ARHGAP10: variants seen among roughly 807,000 people sequenced by gnomAD.
The protein encoded by ARHGAP10 is Rho GTPase activating protein 10, also known as rho GTPase-activating protein 10.
In ARHGAP10, 87 loss-of-function variants were observed where a neutral mutation model predicts 108.6. The observed-to-expected ratio is 0.80, with a 90% CI of 0.67 to 0.96. ARHGAP10 has a LOEUF of 0.96. Ranked by LOEUF, ARHGAP10 falls within the 40% of genes least tolerant of loss-of-function variation. The pLI is 0.00. For missense variants in ARHGAP10, 939 were observed against 954.5 expected (o/e 0.98, Z 0.21); for synonymous variants, 347 against 341.1 (o/e 1.02, Z -0.19).
intron 12 of ARHGAP10, among the ~76,000 whole-genome samples, chr4:147,910,907 C>T (rs990760043): frequency 2.0e-5 from 3 of 152,118 alleles, no homozygotes; most frequent in Non-Finnish European, 4.4e-5. Context: ...CCACAAGCAG[C>T]ACATCCCCTG....
intron 17 of ARHGAP10, among the ~76,000 whole-genome samples, chr4:147,966,392 A>G (rs558384973): frequency 5.3e-5 from 8 of 152,166 alleles, no homozygotes; most frequent in Non-Finnish European, 1.0e-4. Flanking sequence ...TGGTGTCTGT[A>G]GGGATTCTGG....
chr4:147,797,421 G>A (rs1325873325), intron 1 of ARHGAP10, among the ~76,000 whole-genome samples: 1 of 151,750 alleles, frequency 6.6e-6, no homozygotes, highest in Non-Finnish European at 1.5e-5. Context: ...ACTTTGTTTT[G>A]TTTTGTTTTG....
intron 10 of ARHGAP10, among the ~76,000 whole-genome samples, chr4:147,902,103 A>G (rs1736274257): frequency 2.6e-5 from 4 of 152,214 alleles, no homozygotes; most frequent in Non-Finnish European, 5.9e-5. Flanking sequence ...TCTTGGAGCA[A>G]CAGCTTTCAT....
At chr4:147,801,021 G>A (rs1488108415) in intron 1 of ARHGAP10, among the ~76,000 whole-genome samples, 1 of 152,222 alleles carries the variant, frequency 6.6e-6, no homozygotes, top group African/African-American at 2.4e-5. Flanking sequence ...GGCCAGGCTG[G>A]TCTTGAACTC....
At chr4:147,967,641 T>C (rs963566844) in intron 18 of ARHGAP10, among the ~76,000 whole-genome samples, 1 of 152,214 alleles carries the variant, frequency 6.6e-6, no homozygotes, top group African/African-American at 2.4e-5. Context: ...ATTACTGTTA[T>C]TTTCTCCTTG....
chr4:148,059,642 CA>C (rs572510159), intron 20 of ARHGAP10, among the ~76,000 whole-genome samples: 4 of 151,528 alleles, frequency 2.6e-5, no homozygotes, highest in African/African-American at 7.3e-5. Flanking sequence ...CCACAGAGTA[CA>C]AAAAAAATGA....
chr4:148,015,722 C>G (rs1207096545), intron 18 of ARHGAP10, among the ~76,000 whole-genome samples: 1 of 152,198 alleles, frequency 6.6e-6, no homozygotes, highest in Non-Finnish European at 1.5e-5. Flanking sequence ...TGAACCTAGT[C>G]AAACAACCCC....
At chr4:148,006,515 G>A (rs1047948257) in intron 18 of ARHGAP10, among the ~76,000 whole-genome samples, 1 of 152,160 alleles carries the variant, frequency 6.6e-6, no homozygotes, top group African/African-American at 2.4e-5. Context: ...TAATAAAATG[G>A]TGGTGGTCTG....
chr4:147,806,198 C>T (rs191090473), intron 1 of ARHGAP10, among the ~76,000 whole-genome samples: 118 of 152,184 alleles, frequency 7.8e-4, no homozygotes, highest in African/African-American at 2.2e-3. Flanking sequence ...TGTCCAGAGT[C>T]CAGGCGGCTT....
chr4:147,873,882 A>C (rs1313415417), intron 7 of ARHGAP10, among the ~76,000 whole-genome samples: 7 of 150,242 alleles, frequency 4.7e-5, no homozygotes, highest in Non-Finnish European at 8.8e-5. Flanking sequence ...CTTTAAAAAA[A>C]AAAAAAAGGG....
chr4:147,928,001 A>G (rs914336788), intron 13 of ARHGAP10, among the ~76,000 whole-genome samples: 1 of 152,218 alleles, frequency 6.6e-6, no homozygotes, highest in Admixed American at 6.5e-5. Context: ...AAGAATAGCA[A>G]CAAGTCTAGG....
intron 13 of ARHGAP10, among the ~76,000 whole-genome samples, chr4:147,926,390 A>G (rs1737462490): frequency 6.6e-6 from 1 of 152,182 alleles, no homozygotes; most frequent in Admixed American, 6.5e-5. Context: ...TTCGCAGACA[A>G]ACAGAATTTG....
intron 22 of ARHGAP10, among the ~76,000 whole-genome samples, chr4:148,068,178 C>T (rs1384994716): frequency 1.3e-5 from 2 of 152,154 alleles, no homozygotes; most frequent in African/African-American, 2.4e-5. Flanking sequence ...GTGGTTGCCT[C>T]CTCAGGGGCA....
chr4:147,954,822 CTCA>C (rs1738728165), intron 15 of ARHGAP10, among the ~76,000 whole-genome samples: 1 of 151,884 alleles, frequency 6.6e-6, no homozygotes, highest in Non-Finnish European at 1.5e-5. Context: ...TATTTCATCT[CTCA>C]TCTTATAGGA....
At chr4:147,831,479 G>A (rs1732951503) in intron 3 of ARHGAP10, among the ~76,000 whole-genome samples, 1 of 152,212 alleles carries the variant, frequency 6.6e-6, no homozygotes, top group African/African-American at 2.4e-5. Flanking sequence ...TATATGGCAT[G>A]TGAAGCTTGT....
At chr4:148,010,042 G>A (rs929777449) in intron 18 of ARHGAP10, among the ~76,000 whole-genome samples, 1 of 152,116 alleles carries the variant, frequency 6.6e-6, no homozygotes, top group Non-Finnish European at 1.5e-5. Flanking sequence ...AAACTTAATA[G>A]ATGTCTGTGT....
intron 16 of ARHGAP10, among the ~76,000 whole-genome samples, chr4:147,955,767 G>A (rs978840091): frequency 2.6e-5 from 4 of 152,140 alleles, no homozygotes; most frequent in African/African-American, 9.7e-5. Context: ...AACAGATTTG[G>A]AGAGATTAGT....
intron 3 of ARHGAP10, among the ~76,000 whole-genome samples, chr4:147,833,971 A>G (rs1037551616): frequency 6.6e-6 from 1 of 152,192 alleles, no homozygotes; most frequent in Admixed American, 6.5e-5. Flanking sequence ...CAGTTGTGTT[A>G]GTGTGAAAGC....
In ARHGAP10 at chr4:147,904,765, T is replaced by C. The variant is rs545893519; in HGVS notation, c.1035-1873T>C. ...TATACCCAGTAATGGGATTGCTGGG[T>C]CAAATAGTATTTCTAGTTCTAGATC... On this transcript the variant is annotated intron_variant, in intron 10 of 22. Transcript: ENST00000336498. Among the ~76,000 whole-genome samples, 13 of 152,340 alleles carry C rather than the reference T, an allele frequency of 8.5e-5. No individual in the cohort carries two copies. The East Asian group carries it at 2.5e-3, about 29-fold the overall frequency.
Sources: allele counts gnomAD v4.1 joint callset (sites outside exome capture counted in the v4.1 genomes callset), GRCh38; gene constraint gnomAD v4.1.1; transcripts MANE v1.5; gene names NCBI Gene and HGNC (gene_info 2026-07-23, HGNC 2026-07-21).